Variants in FAM184B observed in about 807,000 individuals in gnomAD.
The protein encoded by FAM184B is protein FAM184B.
Under a neutral mutation model 135.9 loss-of-function variants are expected in FAM184B, and 111 were observed. The ratio of observed to expected loss-of-function variants is 0.82; its 90% confidence interval spans 0.70 to 0.96. FAM184B has a LOEUF of 0.96. FAM184B is among the 40% of genes least tolerant of loss of function. The pLI is 0.00. For missense variants in FAM184B, 1,375 were observed against 1,323.9 expected (o/e 1.04, Z -0.60); for synonymous variants, 552 against 524.8 (o/e 1.05, Z -0.71).
At chr4:17,703,405 G>A (rs1366940481) in intron 5 of FAM184B, among the ~76,000 whole-genome samples, 1 of 151,862 alleles carries the variant, frequency 6.6e-6, no homozygotes, top group Non-Finnish European at 1.5e-5. Context: ...GACTGAGGTG[G>A]AAGGATCCCT....
At position 17,639,272 on chromosome 4, in the gene FAM184B, G is replaced by A. The variant is rs999546226; in HGVS notation, c.2644C>T (p.Arg882Trp). 23 of 1,551,488 alleles carry A rather than the reference G, an allele frequency of 1.5e-5. No homozygotes were observed. Among genetic ancestry groups the A allele is most frequent in the African/African-American group, 2.7e-5 (2 of 73,042 alleles). The change falls in exon 14 of 18, where the codon CGG (arginine) becomes TGG (tryptophan). Residue 882 changes from arginine to tryptophan, a missense_variant. Physicochemically the swap from Arg to Trp is moderately radical, Grantham distance 101. Transcript: ENST00000265018. Reference protein sequence around the residue: ...FSSAQAQLQARLAALEAELKD... With the variant: ...FSSAQAQLQAWLAALEAELKD... ...TACTCGGCTTCCAGGGCAGCCAGCC[G>A]GGCCTGGAGCTGGGCCTGGGCACTA...
chr4:17,698,275 TA>T (rs1716908999), intron 5 of FAM184B, among the ~76,000 whole-genome samples: 1 of 152,162 alleles, frequency 6.6e-6, no homozygotes, highest in African/African-American at 2.4e-5. Context: ...AAACAGGTTT[TA>T]TGGCACCCAT....
At chr4:17,647,922 C>T (rs1715513371) in intron 11 of FAM184B, 131 bp from the exon 12 acceptor site, 3 of 1,014,590 alleles carry the variant, frequency 3.0e-6, no homozygotes, top group Non-Finnish European at 2.8e-6. Context: ...GGTTAGGTTC[C>T]CCAAACCTTT....
rs141423073 is a variant in FAM184B at position 17,683,695 on chromosome 4, G to A, written c.1596+4729C>T. Among the ~76,000 whole-genome samples, 26 of 152,138 alleles carry A rather than the reference G, an allele frequency of 1.7e-4. 1 individual carries two copies. The highest frequency in any genetic ancestry group is 5.2e-4 in the Admixed American group (8 of 15,262). The stretch of plus-strand genomic sequence containing the variant: ...GGTTTTTCTGTACAAGGGAGAACTA[G>A]GTGGTTGGTTTGTTTTTAAAAAAAT... On this transcript the variant is annotated intron_variant, in intron 7 of 17. Coordinates refer to ENST00000265018, the MANE Select transcript of FAM184B (RefSeq NM_015688.2).
intron 2 of FAM184B, 21 bp downstream of exon 2, chr4:17,708,871 T>G: frequency 6.7e-7 from 1 of 1,482,980 alleles, no homozygotes; most frequent in Non-Finnish European, 9.0e-7. Flanking sequence ...TTTGGGGTTG[T>G]AAGAAGAGAT....
At chr4:17,666,193 G>A (rs1716045442) in intron 7 of FAM184B, among the ~76,000 whole-genome samples, 1 of 151,988 alleles carries the variant, frequency 6.6e-6, no homozygotes. Flanking sequence ...GTGACCTTGG[G>A]AAAATTACTT....
chr4:17,766,119 A>T (rs1718679619), intron 1 of FAM184B, among the ~76,000 whole-genome samples: 1 of 152,198 alleles, frequency 6.6e-6, no homozygotes, highest in African/African-American at 2.4e-5. Flanking sequence ...TTGGGAAGGT[A>T]ACCTAACCAG....
At chr4:17,651,537 C>CAAAAAAAAAAA (rs751455835) in intron 11 of FAM184B, among the ~76,000 whole-genome samples, 18 of 43,104 alleles carry the variant, frequency 4.2e-4, no homozygotes, top group Non-Finnish European at 4.9e-4. Flanking sequence ...GACTCTGTCT[C>CAAAAAAAAAAA]AAAAAAAAAA....
chr4:17,648,754 G>T (rs1278011393), intron 11 of FAM184B, among the ~76,000 whole-genome samples: 2 of 152,120 alleles, frequency 1.3e-5, no homozygotes, highest in Non-Finnish European at 2.9e-5. Context: ...ATCCCAGCAG[G>T]ATAGGGACTA....
intron 1 of FAM184B, among the ~76,000 whole-genome samples, chr4:17,777,869 G>C (rs186650472): frequency 6.6e-6 from 1 of 152,132 alleles, no homozygotes; most frequent in Admixed American, 6.6e-5. Flanking sequence ...AAGCCAAGGC[G>C]GGAGGATTGC....
intron 10 of FAM184B, 126 bp from the exon 11 acceptor site, chr4:17,653,109 C>G (rs184108547): frequency 2.2e-6 from 2 of 926,916 alleles, no homozygotes; most frequent in East Asian, 5.3e-5. Flanking sequence ...GAGGGCTTAT[C>G]AGGCTACAGA....
At chr4:17,719,637 T>G (rs1266796266) in intron 1 of FAM184B, among the ~76,000 whole-genome samples, 1 of 152,208 alleles carries the variant, frequency 6.6e-6, no homozygotes, top group East Asian at 1.9e-4. Context: ...ATCACTCCTA[T>G]CAATACATAA....
At chr4:17,705,409 G>C (rs1122696) in intron 4 of FAM184B, among the ~76,000 whole-genome samples, 1 of 152,248 alleles carries the variant, frequency 6.6e-6, no homozygotes, top group African/African-American at 2.4e-5. Context: ...GCAATGGTGT[G>C]TCTATTATCA....
intron 16 of FAM184B, among the ~76,000 whole-genome samples, chr4:17,634,364 C>T (rs1715060566): frequency 6.6e-6 from 1 of 152,160 alleles, no homozygotes; most frequent in African/African-American, 2.4e-5. Context: ...TGCTCTGTCA[C>T]CCAAGCTGGA....
At chr4:17,638,134 C>CTTTTTTTTTTTT (rs56926847) in intron 14 of FAM184B, among the ~76,000 whole-genome samples, 8 of 73,406 alleles carry the variant, frequency 1.1e-4, no homozygotes, top group Admixed American at 7.1e-4. Flanking sequence ...TAACTGTTTG[C>CTTTTTTTTTTTT]TTTTTTTTTT....
intron 1 of FAM184B, among the ~76,000 whole-genome samples, chr4:17,780,400 T>C (rs1719011578): frequency 6.6e-6 from 1 of 152,132 alleles, no homozygotes; most frequent in Admixed American, 6.5e-5. Flanking sequence ...GGATGTTGTT[T>C]TCCATCTAGA....
chr4:17,752,846 A>C (rs531525676), intron 1 of FAM184B, among the ~76,000 whole-genome samples: 2 of 152,342 alleles, frequency 1.3e-5, no homozygotes, highest in South Asian at 2.1e-4. Flanking sequence ...GCATTTGTTA[A>C]AATTAGCAGA....
At chr4:17,690,328 A>C (rs923455916) in intron 6 of FAM184B, among the ~76,000 whole-genome samples, 1 of 152,162 alleles carries the variant, frequency 6.6e-6, no homozygotes, top group African/African-American at 2.4e-5. Context: ...GGACTGAAGA[A>C]AGAGTCCATG....
At chr4:17,735,489 G>A (rs1186391514) in intron 1 of FAM184B, among the ~76,000 whole-genome samples, 2 of 151,974 alleles carry the variant, frequency 1.3e-5, no homozygotes. Context: ...GACATGATAT[G>A]AACCTACATG....
Sources: allele counts gnomAD v4.1 joint callset (sites outside exome capture counted in the v4.1 genomes callset), GRCh38; gene constraint gnomAD v4.1.1; transcripts MANE v1.5; gene names NCBI Gene and HGNC (gene_info 2026-07-23, HGNC 2026-07-21).